Variants in C1S observed in about 807,000 individuals in gnomAD.
C1S encodes the protein complement C1s subcomponent.
C1S carries 31 observed loss-of-function variants against 54.0 expected under a neutral mutation model. The ratio of observed to expected loss-of-function variants is 0.57; its 90% confidence interval spans 0.43 to 0.78. The LOEUF is 0.78. C1S is among the 30% of genes least tolerant of loss of function. The pLI, the probability that C1S is intolerant of heterozygous loss-of-function variation, is 0.00. For synonymous variants in C1S, 292 were observed against 303.6 expected (o/e 0.96, Z 0.40); for missense variants, 727 against 851.8 (o/e 0.85, Z 1.82).
chr12:7,066,209 C>A (rs1947174799), intron 7 of C1S: 1 of 609,302 alleles, frequency 1.6e-6, no homozygotes, highest in Non-Finnish European at 2.9e-6. Context: ...ATTTAAAAAA[C>A]AGATAGATTG....
intron 7 of C1S, chr12:7,066,297 A>G (rs1937653953): frequency 1.6e-6 from 1 of 630,756 alleles, no homozygotes. Flanking sequence ...AAATGCCTCA[A>G]CCTCTAGTAA....
In C1S at chr12:7,070,640, C is replaced by CG. The variant is rs781784443; in HGVS notation, c.2057dup (p.Glu687Ter). On this transcript the variant is annotated frameshift_variant, in exon 12 of 12. Transcript: ENST00000360817. LOFTEE classifies it high-confidence loss of function. The surrounding 1 kb of genome is among the most constrained non-coding windows in gnomAD (Gnocchi z 4.9). ...GACTATGCAGGAAAATAGCACCCCC[C>CG]GTGAGGACTAATCCAGATACATCCC... is the stretch of plus-strand genomic sequence containing the variant. 1 of 1,613,576 alleles carries CG rather than the reference C, an allele frequency of 6.2e-7. No homozygotes were observed. Among genetic ancestry groups the CG allele is most frequent in the East Asian group, 2.2e-5 (1 of 44,900 alleles).
chr12:7,069,810 G>C lies in C1S; in HGVS notation c.1271-45G>C, dbSNP rs373703443. On this transcript the variant is annotated intron_variant, in intron 11 of 11. Transcript: ENST00000360817. ...TGGTTGGAGGATTTGCAGGAAGCCA[G>C]CATCATTTCTTCCTCCTTCCCTGTG... 1.0e-5 allele frequency: 15 copies of C among 1,485,260 alleles called. No individual in the cohort carries two copies. The African/African-American group carries it at 1.9e-4, about 19-fold the overall frequency. 92.0% of individuals were successfully genotyped at this position (1,485,260 alleles called of 1,614,324 possible).
At position 7,068,770 on chromosome 12, in the gene C1S, G is replaced by C; in HGVS notation, c.1270+240G>C. 5.3e-6 allele frequency: 3 copies of C among 562,844 alleles called. No individual in the cohort carries two copies. In the South Asian group the frequency reaches 6.3e-5, roughly 12 times the overall value. 34.9% of individuals were successfully genotyped at this position (562,844 alleles called of 1,614,324 possible). On this transcript the variant is annotated intron_variant, in intron 11 of 11. Transcript: ENST00000360817. ...CGTCAGCCAGCGACAGTTGGTGTCT[G>C]GTAATGTAGCTGCAGTGAGAAGATA...
intron 9 of C1S, 97 bp from the exon 10 acceptor site, chr12:7,067,546 A>G (rs1230665532): frequency 2.4e-5 from 33 of 1,360,756 alleles, no homozygotes; most frequent in Non-Finnish European, 3.4e-5. Flanking sequence ...GCCTGTGGAT[A>G]TGGGGTGGGG....
At chr12:7,061,343 C>A (rs369193142) in intron 1 of C1S, 2 of 173,400 alleles carry the variant, frequency 1.2e-5, no homozygotes, top group African/African-American at 4.8e-5. Flanking sequence ...CATCGGTGGG[C>A]GTTGGGAGCA....
At position 7,065,319 on chromosome 12, in the gene C1S, T is replaced by C. The variant is rs1555161974; in HGVS notation, c.717+20T>C. The C allele has an allele frequency of 6.3e-7, 1 of 1,576,198 alleles. No individual in the cohort carries two copies. The highest frequency in any genetic ancestry group is 1.1e-5 in the South Asian group (1 of 90,294). On this transcript the variant is annotated intron_variant, in intron 6 of 11. Transcript: ENST00000360817. ...TTAGTTGTGCGTGATGGTTGATTAA[T>C]ACCCCACCCTTAACTTACACAGAGA... is the stretch of plus-strand genomic sequence containing the variant.
chr12:7,061,956 T>C (rs782240966), intron 2 of C1S, 39 bp downstream of exon 2: 6 of 1,607,908 alleles, frequency 3.7e-6, no homozygotes, highest in Admixed American at 3.3e-5. Context: ...ACAGACTCCA[T>C]TCCCTTCATC....
intron 9 of C1S, 167 bp from the exon 10 acceptor site, chr12:7,067,476 G>C (rs1366179265): frequency 2.5e-6 from 2 of 796,942 alleles, no homozygotes; most frequent in African/African-American, 3.4e-5. Flanking sequence ...AGAGCTGAGA[G>C]ATGCCAGTTG....
rs909739342 is a variant in C1S, at chr12:7,069,569, G to A, written c.1271-286G>A. 2.6e-5 allele frequency among the ~76,000 whole-genome samples: 4 copies of A among 152,356 alleles called. No homozygotes were observed. In the East Asian group the frequency reaches 7.7e-4, roughly 29 times the overall value. On this transcript the variant is annotated intron_variant, in intron 11 of 11. Transcript: ENST00000360817. ...CCTGCCTCCAGGGGGGCTGTGGGTC[G>A]CACTGTGGATAGTGTGAGGCATTAG...
At position 7,062,951 on chromosome 12, in the gene C1S, ACT is replaced by A; in HGVS notation, c.279_280del (p.Pro94AsnfsTer17). The A allele has an allele frequency of 1.2e-6, 2 of 1,613,598 alleles. No homozygotes were observed. Among genetic ancestry groups the A allele is most frequent in the Non-Finnish European group, 1.7e-6 (2 of 1,179,836 alleles). On this transcript the variant is annotated frameshift_variant, in exon 4 of 12. Coordinates refer to ENST00000360817, the MANE Select transcript of C1S (RefSeq NM_001734.5). LOFTEE classifies it high-confidence loss of function. ...GGACAGAGGAGCAGTAACAATCCCC[ACT>A]CTCCAATTGTGGAAGAGTTCCAAGT...
At chr12:7,067,448 G>T in intron 9 of C1S, 195 bp from the exon 10 acceptor site, 1 of 737,846 alleles carries the variant, frequency 1.4e-6, no homozygotes, top group Non-Finnish European at 2.4e-6. Context: ...CATCTGAATT[G>T]GCATCTCAGC....
At position 7,063,921 on chromosome 12, in the gene C1S, C is replaced by T. The variant is rs896313611; in HGVS notation, c.392-346C>T. ...GTGCGTGCTTGTGTTCCCAGCTCCT[C>T]GGGAGGTAGAGGCGTGAGACTTGTT... On this transcript the variant is annotated intron_variant, in intron 4 of 11. Transcript: ENST00000360817. 30 of 445,470 alleles carry T rather than the reference C, an allele frequency of 6.7e-5. 1 individual carries two copies. In the East Asian group the frequency reaches 1.4e-3, roughly 21 times the overall value. 27.6% of individuals were successfully genotyped at this position (445,470 alleles called of 1,614,324 possible).
Position 7,070,508 on chromosome 12 carries a change from A to C in C1S, c.1924A>C (p.Asn642His). 2 of 1,613,906 alleles carry C rather than the reference A, an allele frequency of 1.2e-6. No individual in the cohort carries two copies. Among genetic ancestry groups the C allele is most frequent in the Non-Finnish European group, 1.7e-6 (2 of 1,179,886 alleles). ...TGGGGCCTTTGCTGTACAGGATCCC[A>C]ATGACAAGACCAAATTCTACGCAGC... is the stretch of plus-strand genomic sequence containing the variant. ...SGGAFAVQDP[N>H]DKTKFYAAGL... Residue 642 changes from asparagine to histidine, a missense_variant, in exon 12 of 12, where the codon AAT (asparagine) becomes CAT (histidine). Coordinates refer to ENST00000360817, the MANE Select transcript of C1S (RefSeq NM_001734.5). This position sits in a 1 kb window ranked among gnomAD's most constrained non-coding sequence, Gnocchi z 4.9.
At chr12:7,067,598 G>A (rs782298553) in intron 9 of C1S, 45 bp from the exon 10 acceptor site, 32 of 1,611,182 alleles carry the variant, frequency 2.0e-5, no homozygotes, top group African/African-American at 4.0e-5. Context: ...CTTCCTTGGA[G>A]GAAGTGGCTG....
At position 7,070,902 on chromosome 12, in the gene C1S, C is replaced by T. The variant is rs1383434113; in HGVS notation, c.*251C>T. On this transcript the variant is annotated 3_prime_UTR_variant, in exon 12 of 12. Transcript: ENST00000360817. This position sits in a 1 kb window ranked among gnomAD's most constrained non-coding sequence, Gnocchi z 4.9. ...ATTGTAGATAACACTATGGGTGGGG[C>T]ACTCCTTTCTTGCACTATTCCACAG... 3.8e-6 allele frequency: 2 copies of T among 526,146 alleles called. No individual in the cohort carries two copies. Among genetic ancestry groups the T allele is most frequent in the Non-Finnish European group, 6.9e-6 (2 of 291,100 alleles). 32.6% of individuals were successfully genotyped at this position (526,146 alleles called of 1,614,324 possible). A position where few individuals can be genotyped will look rare whatever the true frequency, so the allele number is the denominator to read the frequency against.
In C1S at chr12:7,066,462, G is replaced by C. The variant is rs782814527; in HGVS notation, c.872-56G>C. 8 of 951,420 alleles carry C rather than the reference G, an allele frequency of 8.4e-6. No individual in the cohort carries two copies. The African/African-American group carries it at 1.1e-4, about 13-fold the overall frequency. The allele number at this position is 951,420 out of a possible 1,614,324, so 58.9% of individuals were successfully genotyped here. On this transcript the variant is annotated intron_variant, in intron 7 of 11. Coordinates refer to ENST00000360817, the MANE Select transcript of C1S (RefSeq NM_001734.5). Reference sequence around the variant, plus strand: ...TGTGAGAATGATGTAAATAGAATGAGAGTCTTCAACTATTTAGTAATTTTT... The same window carrying C: ...TGTGAGAATGATGTAAATAGAATGACAGTCTTCAACTATTTAGTAATTTTT...
Position 7,061,877 on chromosome 12 carries a change from G to T in C1S, c.-36G>T. ...GAGGTGCAGAAAGCCAGGACCAAGAGACAGGCAGCTCACCAGGGTGGACAA... is the reference window on the plus strand; with the variant it reads ...GAGGTGCAGAAAGCCAGGACCAAGATACAGGCAGCTCACCAGGGTGGACAA... On this transcript the variant is annotated 5_prime_UTR_variant, in exon 2 of 12. Coordinates refer to ENST00000360817, the MANE Select transcript of C1S (RefSeq NM_001734.5). 1 of 1,613,886 alleles carries T rather than the reference G, an allele frequency of 6.2e-7. No individual in the cohort carries two copies. The highest frequency in any genetic ancestry group is 8.5e-7 in the Non-Finnish European group (1 of 1,179,856).
At chr12:7,066,139 C>T in intron 7 of C1S, 169 bp downstream of exon 7, 1 of 690,736 alleles carries the variant, frequency 1.4e-6, no homozygotes, top group Non-Finnish European at 2.6e-6. Context: ...AGTTTGAGTC[C>T]ACTCTGGGCA....
Sources: allele counts gnomAD v4.1 joint callset (sites outside exome capture counted in the v4.1 genomes callset), GRCh38; gene constraint gnomAD v4.1.1; non-coding constraint Gnocchi (gnomAD v3.1); transcripts MANE v1.5; gene names NCBI Gene and HGNC (gene_info 2026-07-23, HGNC 2026-07-21).